ZNF516: variants seen among roughly 807,000 people sequenced by gnomAD.
ZNF516 encodes the protein zinc finger protein 516.
ZNF516 carries 19 observed loss-of-function variants against 79.7 expected under a neutral mutation model. The ratio of observed to expected loss-of-function variants is 0.24; its 90% CI spans 0.17 to 0.35. The LOEUF (loss-of-function observed/expected upper bound fraction) is 0.35. Ranked by LOEUF, ZNF516 falls within the 10% of genes least tolerant of loss-of-function variation. The pLI, the probability that ZNF516 is intolerant of heterozygous loss-of-function variation, is 1.00. For synonymous variants in ZNF516, 877 were observed against 739.5 expected, an observed-to-expected ratio of 1.19 and a Z score of -3.02; for missense variants, 1,678 against 1,679.5, an observed-to-expected ratio of 1.00 and a Z score of 0.02.
intron 3 of ZNF516, among the ~76,000 whole-genome samples, chr18:76,436,268 G>A (rs1053566171): frequency 1.3e-5 from 2 of 152,154 alleles, no homozygotes; most frequent in Admixed American, 6.5e-5. Flanking sequence ...GCCATGGAGT[G>A]GCGTTTGCCA....
At chr18:76,457,396 C>T (rs2145646374) in intron 2 of ZNF516, among the ~76,000 whole-genome samples, 1 of 152,208 alleles carries the variant, frequency 6.6e-6, no homozygotes, top group Non-Finnish European at 1.5e-5. Flanking sequence ...AGAAATCTTC[C>T]AAAACTAAAT....
At chr18:76,412,674 G>T (rs959683558) in intron 3 of ZNF516, among the ~76,000 whole-genome samples, 2 of 152,218 alleles carry the variant, frequency 1.3e-5, no homozygotes, top group Non-Finnish European at 2.9e-5. Context: ...AGGAAGTCAA[G>T]TCGTTGCCAA....
Position 76,493,118 on chromosome 18 carries a change from C to A in ZNF516, c.-272+2026G>T. 5.1e-6 allele frequency: 5 copies of A among 985,142 alleles called. No individual in the cohort carries two copies. The highest frequency in any genetic ancestry group is 6.0e-6 in the Non-Finnish European group (5 of 829,820). The allele number at this position is 985,142 out of a possible 1,614,324, so 61.0% of individuals were successfully genotyped here. A position where few individuals can be genotyped will look rare whatever the true frequency, so the allele number is the denominator to read the frequency against. On this transcript the variant is annotated intron_variant, in intron 1 of 6. Coordinates refer to ENST00000443185, the MANE Select transcript of ZNF516 (RefSeq NM_014643.4). This position sits in a 1 kb window ranked among gnomAD's most constrained non-coding sequence, Gnocchi z 5.2. The stretch of plus-strand genomic sequence containing the variant: ...TTCCTTTTTTTTTTTTCCTCCTCTC[C>A]TCCCTACCGTTTCATTTAATGGTAA...
At chr18:76,381,230 G>A (rs974461297) in intron 3 of ZNF516, among the ~76,000 whole-genome samples, 1 of 152,180 alleles carries the variant, frequency 6.6e-6, no homozygotes, top group Non-Finnish European at 1.5e-5. Context: ...AGACTGTACT[G>A]CAAGTGGACA....
intron 3 of ZNF516, among the ~76,000 whole-genome samples, chr18:76,403,786 C>G (rs1178029401): frequency 2.0e-5 from 3 of 152,204 alleles, no homozygotes; most frequent in African/African-American, 7.2e-5. Flanking sequence ...CTCCTATTGA[C>G]AGATTTCCAT....
chr18:76,429,878 C>G (rs1190898460), intron 3 of ZNF516, among the ~76,000 whole-genome samples: 2 of 152,186 alleles, frequency 1.3e-5, no homozygotes, highest in Non-Finnish European at 2.9e-5. Flanking sequence ...AAACACGGTG[C>G]CCTTTTGTTA....
At chr18:76,480,490 C>CAT (rs1555720171) in intron 1 of ZNF516, among the ~76,000 whole-genome samples, 7,950 of 128,518 alleles carry the variant, frequency 0.062, 259 homozygotes, top group East Asian at 0.12. Context: ...CACACATATA[C>CAT]ACATACACAC....
chr18:76,428,366 C>T (rs2075621209), intron 3 of ZNF516, among the ~76,000 whole-genome samples: 1 of 149,570 alleles, frequency 6.7e-6, no homozygotes, highest in Non-Finnish European at 1.5e-5. Flanking sequence ...GTACTCCACC[C>T]TAGACAACAG....
intron 3 of ZNF516, among the ~76,000 whole-genome samples, chr18:76,409,553 A>C (rs1355383471): frequency 3.9e-5 from 6 of 152,266 alleles, no homozygotes; most frequent in Admixed American, 3.9e-4. Flanking sequence ...AAGAACAATC[A>C]CATGGTGGGC....
chr18:76,450,418 T>A (rs1912335978), intron 2 of ZNF516, among the ~76,000 whole-genome samples: 1 of 146,084 alleles, frequency 6.8e-6, no homozygotes, highest in Non-Finnish European at 1.5e-5. Flanking sequence ...GAAACTACCT[T>A]TAGTTAACTC....
intron 2 of ZNF516, among the ~76,000 whole-genome samples, chr18:76,450,390 G>A (rs1380415496): frequency 1.4e-5 from 2 of 143,618 alleles, no homozygotes; most frequent in Non-Finnish European, 3.0e-5. Context: ...CTCCAGGGCT[G>A]TAATAAATGC....
At position 76,379,333 on chromosome 18, in the gene ZNF516, C is replaced by A; in HGVS notation, c.2781G>T (p.Arg927Ser). 6.3e-7 allele frequency: 1 copy of A among 1,594,562 alleles called. No homozygotes were observed. The highest frequency in any genetic ancestry group is 8.5e-7 in the Non-Finnish European group (1 of 1,169,934). Residue 927 changes from arginine to serine, a missense_variant, in exon 4 of 7, where the codon AGG becomes AGT. By Grantham distance (110) the Arg-to-Ser change is moderately radical (BLOSUM62 -1). Around this residue, in one of 5 missense-constraint regions of ZNF516, gnomAD observed 1,294 missense variants for 1,248.3 expected, o/e 1.04. Transcript: ENST00000443185. ...VPAPGGGGFS[R>S]SATPTPTVIA... Reference sequence around the variant, plus strand: ...TGACGGTGGGCGTAGGGGTGGCGCTCCTGCTGAAGCCCCCGCCACCCGGGG... The same window carrying A: ...TGACGGTGGGCGTAGGGGTGGCGCTACTGCTGAAGCCCCCGCCACCCGGGG...
chr18:76,427,847 T>C (rs973302079), intron 3 of ZNF516, among the ~76,000 whole-genome samples: 1 of 152,030 alleles, frequency 6.6e-6, no homozygotes, highest in Non-Finnish European at 1.5e-5. Context: ...CCAGTAAACA[T>C]GAAAACACTC....
At chr18:76,420,616 A>T (rs943546204) in intron 3 of ZNF516, among the ~76,000 whole-genome samples, 18 of 152,158 alleles carry the variant, frequency 1.2e-4, no homozygotes, top group Non-Finnish European at 2.6e-4. Context: ...ACAGATGATC[A>T]AAAAAACTTG....
Position 76,441,761 on chromosome 18 carries a change from C to T in ZNF516, c.1294G>A (p.Glu432Lys), listed in dbSNP as rs1911665181. 6.4e-7 allele frequency: 1 copy of T among 1,563,698 alleles called. No homozygotes were observed. The highest frequency in any genetic ancestry group is 1.8e-5 in the Admixed American group (1 of 55,064). The change falls in exon 3 of 7, where the codon GAG (glutamate) becomes AAG (lysine). Residue 432 changes from glutamate to lysine, a missense_variant. By Grantham distance (56) the Glu-to-Lys change is moderately conservative. This residue lies in a region of ZNF516 where 1,294 missense variants were observed against 1,248.3 expected (regional missense o/e 1.04). Coordinates refer to ENST00000443185, the MANE Select transcript of ZNF516 (RefSeq NM_014643.4). Reference protein sequence around the residue: ...ATRGKVAEPAEYLKYGAWDEA... With the variant: ...ATRGKVAEPAKYLKYGAWDEA... Reference sequence around the variant, plus strand: ...TCCCAGGCCCCGTACTTGAGGTACTCGGCCGGCTCGGCCACCTTACCCCGC... The same window carrying T: ...TCCCAGGCCCCGTACTTGAGGTACTTGGCCGGCTCGGCCACCTTACCCCGC...
intron 3 of ZNF516, among the ~76,000 whole-genome samples, chr18:76,396,366 G>A (rs2075147022): frequency 6.6e-6 from 1 of 152,142 alleles, no homozygotes. Context: ...CTCTTCCCAA[G>A]GTGAAAATGC....
chr18:76,374,794 G>A (rs1568235167), intron 4 of ZNF516, among the ~76,000 whole-genome samples: 1 of 152,168 alleles, frequency 6.6e-6, no homozygotes, highest in Non-Finnish European at 1.5e-5. Context: ...GGGAAGTTGT[G>A]ATCTTTACAG....
At chr18:76,406,805 C>G (rs898293876) in intron 3 of ZNF516, among the ~76,000 whole-genome samples, 3 of 152,206 alleles carry the variant, frequency 2.0e-5, no homozygotes, top group African/African-American at 7.2e-5. Context: ...ACAGAATCCA[C>G]TGACGGCCCA....
chr18:76,389,005 G>C (rs949463014), intron 3 of ZNF516: 1 of 152,436 alleles, frequency 6.6e-6, no homozygotes, highest in Non-Finnish European at 1.5e-5. Flanking sequence ...GAACAGGCCC[G>C]GGGGAGGCTT....
Sources: allele counts gnomAD v4.1 joint callset (sites outside exome capture counted in the v4.1 genomes callset), GRCh38; gene constraint gnomAD v4.1.1; regional missense constraint gnomAD v4.1.1; non-coding constraint Gnocchi (gnomAD v3.1); transcripts MANE v1.5; gene names NCBI Gene and HGNC (gene_info 2026-07-23, HGNC 2026-07-21).